SPRY3: variants seen among roughly 807,000 people sequenced by gnomAD.
The protein encoded by SPRY3 is sprouty RTK signaling antagonist 3.
A neutral mutation model predicts 20.2 loss-of-function variants in SPRY3; 15 were observed. The observed-to-expected ratio is 0.74, with a 90% CI of 0.50 to 1.14. The LOEUF (loss-of-function observed/expected upper bound fraction) is 1.14. Among genes scored for constraint, SPRY3 ranks in the 50% most tolerant of loss-of-function variants. SPRY3 has a pLI of 0.00. For synonymous variants in SPRY3, 143 were observed against 136.5 expected (o/e 1.05, Z -0.33); for missense variants, 364 against 363.9 (o/e 1.00, Z 0.00).
At chrX:155,619,592 A>G (rs1557349237) in intron 1 of SPRY3, among the ~76,000 whole-genome samples, 1 of 111,343 alleles carries the variant, frequency 9.0e-6, no homozygotes, top group Non-Finnish European at 1.9e-5. Context: ...GTTAAGCATA[A>G]GGAAGAAAAC....
At chrX:155,720,366 G>C (rs111970796) in intron 2 of SPRY3, among the ~76,000 whole-genome samples, 10 of 151,938 alleles carry the variant, frequency 6.6e-5, no homozygotes, top group Middle Eastern at 3.4e-3. Context: ...GGGCCTGGGG[G>C]ATCTCATCCT....
intron 3 of SPRY3, among the ~76,000 whole-genome samples, chrX:155,769,268 G>C (rs1248703450): frequency 2.6e-5 from 4 of 152,176 alleles, no homozygotes; most frequent in Admixed American, 2.0e-4. Flanking sequence ...ATTAAGAGTT[G>C]AGGAGTTGAG....
chrX:155,617,581 T>G (rs1557349019), intron 1 of SPRY3, among the ~76,000 whole-genome samples: 2 of 111,254 alleles, frequency 1.8e-5, no homozygotes, highest in Non-Finnish European at 3.8e-5. Context: ...GAGGAAAAGA[T>G]CAGAGCTCAG....
chrX:155,729,956 A>T (rs1418584383), intron 2 of SPRY3, among the ~76,000 whole-genome samples: 1 of 152,194 alleles, frequency 6.6e-6, no homozygotes, highest in Non-Finnish European at 1.5e-5. Flanking sequence ...AAAATCTAGA[A>T]TAAATAGATA....
chrX:155,730,639 G>T (rs980329631), intron 2 of SPRY3, among the ~76,000 whole-genome samples: 2 of 151,942 alleles, frequency 1.3e-5, no homozygotes, highest in Non-Finnish European at 2.9e-5. Flanking sequence ...TGTTACTAAC[G>T]TAGCATTAGA....
intron 2 of SPRY3, among the ~76,000 whole-genome samples, chrX:155,738,326 A>G (rs1263756455): frequency 6.8e-6 from 1 of 146,026 alleles, no homozygotes; most frequent in Non-Finnish European, 1.5e-5. Context: ...ATATATATAA[A>G]GTGTGCTTGG....
intron 2 of SPRY3, among the ~76,000 whole-genome samples, chrX:155,719,682 A>G (rs988773661): frequency 7.2e-5 from 11 of 151,972 alleles, no homozygotes; most frequent in South Asian, 2.1e-4. Flanking sequence ...ACCCCTTTTC[A>G]GGGCCTAGCT....
At chrX:155,772,310 C>T (rs1424564654) in intron 3 of SPRY3, among the ~76,000 whole-genome samples, 1 of 152,126 alleles carries the variant, frequency 6.6e-6, no homozygotes, top group Non-Finnish European at 1.5e-5. Flanking sequence ...GCCACTGAGT[C>T]CTTTATGAAC....
exon 4 of SPRY3, chrX:155,774,336 C>G: frequency 2.5e-6 from 4 of 1,614,018 alleles, no homozygotes; most frequent in Non-Finnish European, 3.4e-6. Flanking sequence ...GCTGCAAGTG[C>G]GTCCCCTGCA....
intron 3 of SPRY3, among the ~76,000 whole-genome samples, chrX:155,772,291 A>G (rs1025671797): frequency 1.3e-5 from 2 of 152,162 alleles, no homozygotes; most frequent in Non-Finnish European, 2.9e-5. Flanking sequence ...GAGTCTGGTC[A>G]TATTATTAGC....
chrX:155,649,204 G>C (rs1252988537), intron 1 of SPRY3, among the ~76,000 whole-genome samples: 4 of 111,604 alleles, frequency 3.6e-5, no homozygotes, highest in African/African-American at 1.3e-4. Flanking sequence ...AGAGGAACTG[G>C]TACCATTCCT....
At chrX:155,743,263 C>T (rs1281585307) in intron 2 of SPRY3, among the ~76,000 whole-genome samples, 2 of 152,214 alleles carry the variant, frequency 1.3e-5, no homozygotes, top group South Asian at 2.1e-4. Flanking sequence ...CAAGACTGAA[C>T]CAGGAAGAAG....
chrX:155,647,538 T>C (rs1007658677), intron 1 of SPRY3, among the ~76,000 whole-genome samples: 1 of 110,403 alleles, frequency 9.1e-6, no homozygotes, highest in Non-Finnish European at 1.9e-5. Flanking sequence ...CTCCCACTTA[T>C]GAGTGAGAAC....
intron 2 of SPRY3, among the ~76,000 whole-genome samples, chrX:155,722,561 T>C (rs2091066796): frequency 6.6e-6 from 1 of 151,814 alleles, no homozygotes; most frequent in Non-Finnish European, 1.5e-5. Flanking sequence ...TTAAATCATA[T>C]TAACCGAGAA....
At chrX:155,769,472 G>A (rs6642320) in intron 3 of SPRY3, among the ~76,000 whole-genome samples, 54,131 of 151,866 alleles carry the variant, frequency 0.36, 10,942 homozygotes, top group East Asian at 0.62. Flanking sequence ...CTACAGCCAC[G>A]CAGCAAAGTA....
intron 2 of SPRY3, among the ~76,000 whole-genome samples, chrX:155,679,247 T>TA (rs1466659419): frequency 1.8e-5 from 2 of 111,375 alleles, no homozygotes; most frequent in East Asian, 2.8e-4. Context: ...ATACAAATTT[T>TA]AAAAAAAGAA....
intron 2 of SPRY3, among the ~76,000 whole-genome samples, chrX:155,758,361 A>C (rs952699505): frequency 3.0e-4 from 46 of 152,328 alleles, no homozygotes; most frequent in African/African-American, 1.1e-3. Context: ...AGTTTTCTCT[A>C]CATAGAACCA....
At chrX:155,626,317 T>C (rs2067888033) in intron 1 of SPRY3, among the ~76,000 whole-genome samples, 1 of 111,781 alleles carries the variant, frequency 8.9e-6, no homozygotes, top group Admixed American at 9.6e-5. Context: ...TGAGCTTCTT[T>C]TTATTTGCTT....
At chrX:155,644,058 G>A (rs782571247) in intron 1 of SPRY3, among the ~76,000 whole-genome samples, 17 of 111,268 alleles carry the variant, frequency 1.5e-4, no homozygotes, top group Non-Finnish European at 3.2e-4. Context: ...TGTCGGGCAA[G>A]TCTGGTGTGG....
Sources: gnomAD v4.1 joint callset for allele counts (sites outside exome capture counted in the v4.1 genomes callset) on GRCh38, gnomAD v4.1.1 for gene constraint, MANE v1.5 for transcripts, NCBI Gene and HGNC (gene_info 2026-07-23, HGNC 2026-07-21) for gene names.